The following PPM1J variants were observed in gnomAD, a reference collection of about 807,000 sequenced individuals.
The protein encoded by PPM1J is protein phosphatase 1J.
PPM1J carries 43 observed loss-of-function variants against 53.3 expected under a neutral mutation model. That is an observed-to-expected ratio of 0.81 (90% CI 0.63 to 1.04). The LOEUF is 1.04. Ranked by LOEUF, PPM1J falls within the 50% of genes least tolerant of loss-of-function variation. The pLI is 0.00. For synonymous variants in PPM1J, 267 were observed against 286.4 expected (o/e 0.93, Z 0.68); for missense variants, 635 against 685.9 (o/e 0.93, Z 0.83).
At position 112,710,121 on chromosome 1, in the gene PPM1J, G is replaced by C; in HGVS notation, c.*42C>G. The C allele has an allele frequency of 1.3e-6, 2 of 1,508,658 alleles. No homozygotes were observed. Among genetic ancestry groups the C allele is most frequent in the Non-Finnish European group, 1.8e-6 (2 of 1,131,080 alleles). 93.5% of individuals were successfully genotyped at this position (1,508,658 alleles called of 1,614,324 possible). A position where few individuals can be genotyped will look rare whatever the true frequency, so the allele number is the denominator to read the frequency against. On this transcript the variant is annotated 3_prime_UTR_variant, in exon 10 of 10. Transcript: ENST00000309276. ...CTTCAGAATTTGGGCTGTGAGAGGA[G>C]TAAGTATGGAGAGGCTAGTGGGAGG...
In PPM1J at chr1:112,714,980, C is replaced by T. The variant is rs1190698839; in HGVS notation, c.322G>A (p.Ala108Thr). 4 of 1,427,304 alleles carry T rather than the reference C, an allele frequency of 2.8e-6. No homozygotes were observed. The highest frequency in any genetic ancestry group is 3.0e-5 in the African/African-American group (2 of 67,412). 88.4% of individuals were successfully genotyped at this position (1,427,304 alleles called of 1,614,324 possible). The stretch of plus-strand genomic sequence containing the variant: ...GGTGCCCCAGGGGGCGCTCACTCGG[C>T]GTAGCCTGTGCTCCAGGGCAGGCGG... Reference protein sequence around the residue: ...GRRLPWSTGYAEVINAGKSRH... With the variant: ...GRRLPWSTGYTEVINAGKSRH... Residue 108 changes from alanine to threonine, a missense_variant, in exon 1 of 10, where the codon GCC becomes ACC. By Grantham distance (58) the Ala-to-Thr change is moderately conservative. Transcript: ENST00000309276.
At chr1:112,714,885 G>A in intron 1 of PPM1J, 91 bp downstream of exon 1, 2 of 1,318,388 alleles carry the variant, frequency 1.5e-6, no homozygotes, top group Non-Finnish European at 9.7e-7. Flanking sequence ...CCCGGACGCG[G>A]CGTGGGGAAC....
In PPM1J at chr1:112,711,059, C is replaced by A; in HGVS notation, c.1059G>T (p.Lys353Asn). ...GAAACCTGAGATCCTCCAGCTCGAT[C>A]TTTTTGTAGGCCCTGGGGAGGGGGG... ...DQNMTGWAYK[K>N]IELEDLRFPL... The change falls in exon 7 of 10, where the codon AAG becomes AAT. Residue 353 changes from lysine to asparagine, a missense_variant. Transcript: ENST00000309276. The A allele has an allele frequency of 6.2e-7, 1 of 1,614,088 alleles. No homozygotes were observed. Among genetic ancestry groups the A allele is most frequent in the Non-Finnish European group, 8.5e-7 (1 of 1,179,964 alleles).
At position 112,713,025 on chromosome 1, in the gene PPM1J, A is replaced by G; in HGVS notation, c.448T>C (p.Cys150Arg). 6.3e-7 allele frequency: 1 copy of G among 1,597,340 alleles called. No individual in the cohort carries two copies. The highest frequency in any genetic ancestry group is 8.5e-7 in the Non-Finnish European group (1 of 1,170,102). Residue 150 changes from cysteine (C) to arginine (R), a missense_variant, in exon 3 of 10, where the codon TGC (cysteine) becomes CGC (arginine). By Grantham distance (180) the Cys-to-Arg change is radical. Transcript: ENST00000309276. ...TCAAATAGGCCCCAGTAGTAGAAGC[A>G]GAGTCCCTGGTGGAGGAAAAGTTGG... ...PREPSRGQGLCFYYWGLFDGH... is the reference protein window; with the variant it reads ...PREPSRGQGLRFYYWGLFDGH...
At position 112,711,581 on chromosome 1, in the gene PPM1J, A is replaced by G. The variant is rs1675061498; in HGVS notation, c.928-197T>C. On this transcript the variant is annotated intron_variant, in intron 5 of 9. Transcript: ENST00000309276. ...AGGCAGGAACTATTGATGCACAGAG[A>G]GGTTAAGGGAGGGAACTGCTCCGGT... 3 of 578,872 alleles carry G rather than the reference A, an allele frequency of 5.2e-6. No homozygotes were observed. The East Asian group carries it at 8.6e-5, about 17-fold the overall frequency. 35.9% of individuals were successfully genotyped at this position (578,872 alleles called of 1,614,324 possible).
chr1:112,711,117 C>G (rs1675046607), intron 6 of PPM1J, 46 bp from the exon 7 acceptor site: 2 of 1,579,114 alleles, frequency 1.3e-6, no homozygotes, highest in African/African-American at 2.7e-5. Context: ...CATCAAAGCC[C>G]CTCTCCCCTA....
Position 112,711,040 on chromosome 1 carries a change from T to C in PPM1J, c.1078A>G (p.Arg360Gly), listed in dbSNP as rs200710538. The change falls in exon 7 of 10, where the codon AGG becomes GGG. Residue 360 changes from arginine (R) to glycine (G), a missense_variant. Transcript: ENST00000309276. ...AYKKIELEDL[R>G]FPLVCGEGKK... Reference sequence around the variant, plus strand: ...CCCTCCCCACAGACCAGAGGAAACCTGAGATCCTCCAGCTCGATCTTTTTG... The same window carrying C: ...CCCTCCCCACAGACCAGAGGAAACCCGAGATCCTCCAGCTCGATCTTTTTG... The C allele has an allele frequency of 1.5e-5, 24 of 1,613,342 alleles. No individual in the cohort carries two copies. In the Admixed American group the frequency reaches 2.5e-4, roughly 17 times the overall value.
intron 2 of PPM1J, 36 bp from the exon 3 acceptor site, chr1:112,713,067 T>TGTGC: frequency 2.8e-6 from 3 of 1,081,806 alleles, no homozygotes; most frequent in Non-Finnish European, 1.3e-6. Flanking sequence ...GTTTTGTTTG[T>TGTGC]GTGTGTGTGT....
At chr1:112,712,699 CA>C in intron 3 of PPM1J, 44 bp downstream of exon 3, 1 of 1,566,296 alleles carries the variant, frequency 6.4e-7, no homozygotes, top group East Asian at 2.2e-5. Context: ...CAGAGTTGGC[CA>C]GAGTGGTTGC....
intron 2 of PPM1J, 38 bp from the exon 3 acceptor site, chr1:112,713,069 TG>T (rs1203852510): frequency 3.2e-6 from 4 of 1,245,536 alleles, no homozygotes; most frequent in Non-Finnish European, 2.2e-6. Context: ...TTTGTTTGTG[TG>T]TGTGTGTGTG....
Position 112,711,052 on chromosome 1 carries a change from GCTCGAT to G in PPM1J, c.1060_1065del (p.Ile354_Glu355del), listed in dbSNP as rs781648590. The G allele has an allele frequency of 5.0e-6, 8 of 1,614,072 alleles. No homozygotes were observed. In the South Asian group the frequency reaches 8.8e-5, roughly 18 times the overall value. On this transcript the variant is annotated inframe_deletion, in exon 7 of 10. Transcript: ENST00000309276. ...ACCAGAGGAAACCTGAGATCCTCCA[GCTCGAT>G]CTTTTTGTAGGCCCTGGGGAGGGGG...
intron 1 of PPM1J, 179 bp downstream of exon 1, chr1:112,714,797 C>G (rs557282395): frequency 7.9e-7 from 1 of 1,270,694 alleles, no homozygotes; most frequent in African/African-American, 1.5e-5. Flanking sequence ...GGCTGCCCCC[C>G]ACTGGAAAAT....
At chr1:112,711,911 G>A (rs978387873) in intron 5 of PPM1J, 60 bp downstream of exon 5, 24 of 1,199,074 alleles carry the variant, frequency 2.0e-5, no homozygotes, top group Non-Finnish European at 2.6e-5. Flanking sequence ...AGGGCCATGG[G>A]GTGCAGGGAG....
In PPM1J at chr1:112,710,273, G is replaced by A. The variant is rs201874285; in HGVS notation, c.1408C>T (p.Arg470Trp). 7.5e-6 allele frequency: 12 copies of A among 1,605,160 alleles called. No homozygotes were observed. The Middle Eastern group carries it at 5.0e-4, about 67-fold the overall frequency. ...CAGCCACGGTCTCGGGGGGTACCCC[G>A]GGCCCCCAGGACCAGAGCTTGGGCC... The part of the protein sequence containing the change: ...ALAQALVLGA[R>W]GTPRDRGWRL... The change falls in exon 10 of 10, where the codon CGG becomes TGG. Residue 470 changes from arginine (R) to tryptophan (W), a missense_variant. Coordinates refer to ENST00000309276, the MANE Select transcript of PPM1J (RefSeq NM_005167.7).
rs1442919724 is a variant in PPM1J at position 112,715,281 on chromosome 1, C to T, written c.21G>A (p.Ser7=). MLNRVR[S]AVAHLVSSGG... ...CGGAGCTCACCAGGTGCGCCACGGCCGAGCGCACCCGGTTTAGCATGCTGC... is the reference window on the plus strand; with the variant it reads ...CGGAGCTCACCAGGTGCGCCACGGCTGAGCGCACCCGGTTTAGCATGCTGC... The change falls in exon 1 of 10, where the codon TCG becomes TCA. Residue 7 remains serine (S), a synonymous_variant. Transcript: ENST00000309276. This position sits in a 1 kb window ranked among gnomAD's most constrained non-coding sequence, Gnocchi z 4.4. 4 of 1,314,962 alleles carry T rather than the reference C, an allele frequency of 3.0e-6. No homozygotes were observed. The highest frequency in any genetic ancestry group is 3.1e-5 in the African/African-American group (2 of 64,620). 81.5% of individuals were successfully genotyped at this position (1,314,962 alleles called of 1,614,324 possible). A position where few individuals can be genotyped will look rare whatever the true frequency, so the allele number is the denominator to read the frequency against.
In PPM1J at chr1:112,712,919, A is replaced by G. The variant is rs1570842673; in HGVS notation, c.554T>C (p.Val185Ala). Residue 185 changes from valine to alanine, a missense_variant, in exon 3 of 10, where the codon GTA becomes GCA. By Grantham distance (64) the Val-to-Ala change is moderately conservative (BLOSUM62 0). Transcript: ENST00000309276. The part of the protein sequence containing the change: ...RHIREQLKDL[V>A]EILQDPSPPP... ...TGGCGAAGGGTCCTGAAGTATCTCT[A>G]CCAGGTCCTTTAGCTGCTCTCGGAT... 1 of 1,613,956 alleles carries G rather than the reference A, an allele frequency of 6.2e-7. No homozygotes were observed. The highest frequency in any genetic ancestry group is 8.5e-7 in the Non-Finnish European group (1 of 1,180,008).
chr1:112,713,258 C>G (rs1009462676), intron 2 of PPM1J, among the ~76,000 whole-genome samples: 2 of 152,172 alleles, frequency 1.3e-5, no homozygotes, highest in African/African-American at 4.8e-5. Flanking sequence ...AGATCCAAAA[C>G]TCAGCACTGG....
intron 1 of PPM1J, 92 bp from the exon 2 acceptor site, chr1:112,713,703 T>C (rs910127952): frequency 3.8e-6 from 4 of 1,061,668 alleles, no homozygotes; most frequent in South Asian, 1.3e-5. Flanking sequence ...CTGCGCCCGC[T>C]GGCCAAGCTG....
At position 112,713,537 on chromosome 1, in the gene PPM1J, C is replaced by T; in HGVS notation, c.401G>A (p.Arg134Lys). The change falls in exon 2 of 10, where the codon AGG becomes AAG. Residue 134 changes from arginine to lysine, a missense_variant. Physicochemically the swap from Arg to Lys is conservative, Grantham distance 26 (BLOSUM62 2). Transcript: ENST00000309276. ...CCEVVYVEGR[R>K]SVTGVPREPS... ...CTCCCTAGGTACTCCTGTAACACTC[C>T]TCCGACCTTCCACATACACCACTTC... 1.9e-6 allele frequency: 3 copies of T among 1,614,090 alleles called. No homozygotes were observed. The highest frequency in any genetic ancestry group is 2.5e-6 in the Non-Finnish European group (3 of 1,180,010).
Sources: allele counts gnomAD v4.1 joint callset (sites outside exome capture counted in the v4.1 genomes callset), GRCh38; gene constraint gnomAD v4.1.1; non-coding constraint Gnocchi (gnomAD v3.1); transcripts MANE v1.5; gene names NCBI Gene and HGNC (gene_info 2026-07-23, HGNC 2026-07-21).